The following ATP9B variants were observed in gnomAD, a reference collection of about 807,000 sequenced individuals.
ATP9B encodes the protein ATPase phospholipid transporting 9B, also known as probable phospholipid-transporting ATPase IIB.
Under a neutral mutation model 146.1 loss-of-function variants are expected in ATP9B, and 110 were observed. The ratio of observed to expected loss-of-function variants is 0.75; its 90% confidence interval spans 0.65 to 0.88. The LOEUF is 0.88. Ranked by LOEUF, ATP9B falls within the 40% of genes least tolerant of loss-of-function variation. ATP9B has a pLI of 0.00. For missense variants in ATP9B, 1,499 were observed against 1,496.4 expected, an observed-to-expected ratio of 1.00 and a Z score of -0.03; for synonymous variants, 604 against 569.7, an observed-to-expected ratio of 1.06 and a Z score of -0.86.
chr18:79,327,610 C>T (rs144595642), intron 15 of ATP9B, among the ~76,000 whole-genome samples: 3,918 of 89,452 alleles, frequency 0.044, 459 homozygotes, highest in African/African-American at 0.071. Flanking sequence ...CCGTGGTTAG[C>T]GTGCCCTCCC....
chr18:79,122,746 C>T (rs1481294162), intron 4 of ATP9B, among the ~76,000 whole-genome samples: 2 of 152,028 alleles, frequency 1.3e-5, no homozygotes, highest in Non-Finnish European at 2.9e-5. Flanking sequence ...CTTTGTTTTT[C>T]TGTTGCTAAC....
intron 11 of ATP9B, among the ~76,000 whole-genome samples, chr18:79,216,664 C>G (rs1249538551): frequency 2.6e-5 from 4 of 152,180 alleles, no homozygotes; most frequent in African/African-American, 9.7e-5. Context: ...CTTCCAGTTT[C>G]CGCTGTGTGG....
At chr18:79,127,464 T>A (rs1294235931) in intron 5 of ATP9B, among the ~76,000 whole-genome samples, 2 of 151,944 alleles carry the variant, frequency 1.3e-5, no homozygotes, top group East Asian at 3.9e-4. Flanking sequence ...AATTATGCAA[T>A]GTGTGGTCCT....
At chr18:79,119,880 G>A (rs1006858943) in intron 4 of ATP9B, among the ~76,000 whole-genome samples, 2 of 152,134 alleles carry the variant, frequency 1.3e-5, no homozygotes, top group African/African-American at 4.8e-5. Context: ...AATCTGAGAA[G>A]CAAGCTTAGG....
intron 6 of ATP9B, chr18:79,145,387 T>A (rs111997402): frequency 2.5e-5 from 2 of 80,438 alleles, no homozygotes; most frequent in Non-Finnish European, 2.4e-5. Context: ...GCAGAGTGAC[T>A]GAAGGTGCAA....
chr18:79,341,756 C>T (rs1568755388), intron 19 of ATP9B, among the ~76,000 whole-genome samples: 1 of 132,570 alleles, frequency 7.5e-6, no homozygotes, highest in African/African-American at 2.9e-5. Flanking sequence ...GTAGCGTGAC[C>T]TGTTGAAGCC....
intron 13 of ATP9B, among the ~76,000 whole-genome samples, chr18:79,300,623 C>T (rs2096584474): frequency 6.6e-6 from 1 of 152,194 alleles, no homozygotes; most frequent in Non-Finnish European, 1.5e-5. Context: ...CAGCACCTCA[C>T]ATCCCAGAGG....
chr18:79,170,813 A>G (rs2095059458), intron 7 of ATP9B, among the ~76,000 whole-genome samples: 1 of 152,202 alleles, frequency 6.6e-6, no homozygotes, highest in Non-Finnish European at 1.5e-5. Context: ...CTGAGTTCTG[A>G]AAACTAGACC....
intron 19 of ATP9B, 64 bp downstream of exon 19, chr18:79,337,513 G>C (rs2096834332): frequency 6.4e-7 from 1 of 1,556,444 alleles, no homozygotes; most frequent in Admixed American, 1.9e-5. Context: ...GCTTTTCCTT[G>C]GGCATGGTGA....
intron 8 of ATP9B, 51 bp from the exon 9 acceptor site, chr18:79,193,132 A>G (rs1479295901): frequency 1.5e-6 from 2 of 1,323,324 alleles, no homozygotes; most frequent in African/African-American, 1.5e-5. Flanking sequence ...ATTTCCAAGT[A>G]ATTTTACTAA....
Position 79,256,286 on chromosome 18 carries a change from T to TATATATAC in ATP9B, c.1268+2746_1268+2747insTATATACA, listed in dbSNP as rs398033647. Among the ~76,000 whole-genome samples, 128 of 123,036 alleles carry TATATATAC rather than the reference T, an allele frequency of 1.0e-3. 3 individuals carry two copies. The highest frequency in any genetic ancestry group is 4.0e-3 in the African/African-American group (122 of 30,772). The allele number at this position is 123,036 out of a possible 152,430, so 80.7% of individuals were successfully genotyped here. A position where few individuals can be genotyped will look rare whatever the true frequency, so the allele number is the denominator to read the frequency against. ...ATATATATATATATATATATATATA[T>TATATATAC]ACATACATAGTGAGGCTATGTTATT... On this transcript the variant is annotated intron_variant, in intron 12 of 29. Transcript: ENST00000426216.
chr18:79,183,202 T>G (rs1057241265), intron 8 of ATP9B, among the ~76,000 whole-genome samples: 1 of 152,226 alleles, frequency 6.6e-6, no homozygotes, highest in African/African-American at 2.4e-5. Context: ...CTGCATAGTT[T>G]CTGACAAATT....
At chr18:79,193,941 G>C (rs1370230231) in intron 9 of ATP9B, among the ~76,000 whole-genome samples, 1 of 152,184 alleles carries the variant, frequency 6.6e-6, no homozygotes, top group African/African-American at 2.4e-5. Flanking sequence ...GTCATCACTT[G>C]AAAAAGCATT....
At chr18:79,199,302 C>T (rs72998152) in intron 9 of ATP9B, among the ~76,000 whole-genome samples, 5,297 of 151,992 alleles carry the variant, frequency 0.035, 150 homozygotes, top group Non-Finnish European at 0.05. Flanking sequence ...AATTTGTGCC[C>T]GGCCCTATAA....
intron 1 of ATP9B, among the ~76,000 whole-genome samples, chr18:79,083,017 C>T (rs1474111058): frequency 6.6e-6 from 1 of 152,196 alleles, no homozygotes; most frequent in Non-Finnish European, 1.5e-5. Context: ...CCTACCCTTC[C>T]CCCAGGTGCT....
intron 5 of ATP9B, among the ~76,000 whole-genome samples, chr18:79,134,128 G>A (rs1368534651): frequency 2.0e-5 from 3 of 152,184 alleles, no homozygotes; most frequent in South Asian, 2.1e-4. Context: ...TGTGATTTCC[G>A]AAGTGTGGTT....
chr18:79,289,928 A>G (rs2096484713), intron 13 of ATP9B, among the ~76,000 whole-genome samples: 1 of 152,034 alleles, frequency 6.6e-6, no homozygotes, highest in African/African-American at 2.4e-5. Flanking sequence ...AGAATAGCGG[A>G]TTTTCGTGAA....
chr18:79,214,133 A>G, intron 11 of ATP9B, 95 bp downstream of exon 11: 1 of 748,696 alleles, frequency 1.3e-6, no homozygotes, highest in East Asian at 3.2e-5. Context: ...CTTTTGGCTT[A>G]ACATATATCT....
intron 13 of ATP9B, among the ~76,000 whole-genome samples, chr18:79,293,511 C>G (rs1022814183): frequency 1.3e-5 from 2 of 152,130 alleles, no homozygotes; most frequent in African/African-American, 4.8e-5. Flanking sequence ...CCCTCTTGAG[C>G]CTCCTCCCAT....
Sources: allele counts gnomAD v4.1 joint callset (sites outside exome capture counted in the v4.1 genomes callset), GRCh38; gene constraint gnomAD v4.1.1; transcripts MANE v1.5; gene names NCBI Gene and HGNC (gene_info 2026-07-23, HGNC 2026-07-21).